Variants in C8orf34 observed in about 807,000 individuals in gnomAD.
The protein encoded by C8orf34 is uncharacterized protein C8orf34.
A neutral mutation model predicts 68.3 loss-of-function variants in C8orf34; 65 were observed. That is an observed-to-expected ratio of 0.95 (90% CI 0.78 to 1.17). C8orf34 has a LOEUF of 1.17. C8orf34 is among the 50% of genes most tolerant of loss of function. The pLI, the probability that C8orf34 is intolerant of heterozygous loss-of-function variation, is 0.00. For missense variants in C8orf34, 664 were observed against 655.4 expected (o/e 1.01, Z -0.14); for synonymous variants, 244 against 241.2 (o/e 1.01, Z -0.11).
chr8:68,716,918 GGA>G (rs1211392470), intron 9 of C8orf34, among the ~76,000 whole-genome samples: 16 of 151,564 alleles, frequency 1.1e-4, no homozygotes, highest in Non-Finnish European at 2.1e-4. Context: ...TACAGGCGAT[GGA>G]TAAAATCAGT....
chr8:68,743,342 T>C (rs1446160275), intron 10 of C8orf34, among the ~76,000 whole-genome samples: 3 of 152,206 alleles, frequency 2.0e-5, no homozygotes, highest in Non-Finnish European at 4.4e-5. Context: ...TTAGGTATTA[T>C]AAGATTTACA....
chr8:68,562,874 A>G (rs186180124), intron 7 of C8orf34, among the ~76,000 whole-genome samples: 12 of 152,324 alleles, frequency 7.9e-5, no homozygotes, highest in African/African-American at 2.9e-4. Context: ...CCTAATGTCT[A>G]TCAAATGTTG....
intron 3 of C8orf34, among the ~76,000 whole-genome samples, chr8:68,468,290 C>T (rs1026371390): frequency 1.3e-5 from 2 of 152,070 alleles, no homozygotes; most frequent in African/African-American, 2.4e-5. Flanking sequence ...AAGATAAATA[C>T]GTATATTTAG....
chr8:68,579,922 C>T (rs866540548), intron 7 of C8orf34, among the ~76,000 whole-genome samples: 16 of 152,140 alleles, frequency 1.1e-4, no homozygotes, highest in South Asian at 2.1e-4. Context: ...AATCTCTACT[C>T]TAGATTCAGA....
intron 4 of C8orf34, among the ~76,000 whole-genome samples, chr8:68,475,312 C>T (rs886543490): frequency 2.6e-5 from 4 of 152,230 alleles, no homozygotes; most frequent in African/African-American, 4.8e-5. Context: ...TCTCTGAACA[C>T]ACTTATATGC....
intron 10 of C8orf34, among the ~76,000 whole-genome samples, chr8:68,745,323 C>T (rs1441396307): frequency 6.6e-6 from 1 of 151,958 alleles, no homozygotes; most frequent in African/African-American, 2.4e-5. Context: ...GAAACTGCAT[C>T]AACTAATGAG....
rs764811999 is a variant in C8orf34, at chr8:68,488,009, C to T, written c.737-14C>T. The T allele has an allele frequency of 7.0e-6, 11 of 1,578,800 alleles. No homozygotes were observed. The East Asian group carries it at 2.3e-4, about 33-fold the overall frequency. On this transcript the variant is annotated splice_polypyrimidine_tract_variant and intron_variant, in intron 4 of 13. Transcript: ENST00000518698. ...TTCTAAAACTTTTTTTTATAAATCT[C>T]TTTTAAATCCCAGGTATTGCAATTT...
chr8:68,793,861 A>G (rs1033217633), intron 12 of C8orf34, among the ~76,000 whole-genome samples: 3 of 152,212 alleles, frequency 2.0e-5, no homozygotes, highest in Admixed American at 6.5e-5. Flanking sequence ...TAAAAAAAGT[A>G]TTAATTTCCA....
chr8:68,616,117 C>G (rs1460797010), intron 7 of C8orf34, among the ~76,000 whole-genome samples: 1 of 151,376 alleles, frequency 6.6e-6, no homozygotes, highest in Non-Finnish European at 1.5e-5. Flanking sequence ...GTTTGTATTT[C>G]TGTGGGATCG....
intron 4 of C8orf34, among the ~76,000 whole-genome samples, chr8:68,477,548 G>T (rs1394055676): frequency 2.6e-5 from 4 of 152,224 alleles, no homozygotes; most frequent in Non-Finnish European, 5.9e-5. Flanking sequence ...CAGAATGGTA[G>T]ATCTACTGAC....
chr8:68,599,190 T>C (rs1251216783), intron 7 of C8orf34, among the ~76,000 whole-genome samples: 1 of 151,938 alleles, frequency 6.6e-6, no homozygotes, highest in Non-Finnish European at 1.5e-5. Context: ...AAATTGAGGG[T>C]CTACATAAAT....
chr8:68,700,026 AG>A (rs1399569552), intron 8 of C8orf34, among the ~76,000 whole-genome samples: 2 of 152,110 alleles, frequency 1.3e-5, no homozygotes, highest in Non-Finnish European at 2.9e-5. Flanking sequence ...GCAGAATGTA[AG>A]GGCAGTCCTC....
At chr8:68,573,663 A>G (rs1816820072) in intron 7 of C8orf34, among the ~76,000 whole-genome samples, 1 of 152,170 alleles carries the variant, frequency 6.6e-6, no homozygotes, top group Admixed American at 6.6e-5. Context: ...CTTTGAACAC[A>G]TAGGGCTGGT....
chr8:68,330,962 C>G lies in C8orf34; in HGVS notation c.-51C>G. The G allele has an allele frequency of 1.8e-5, 23 of 1,308,850 alleles. No homozygotes were observed. The highest frequency in any genetic ancestry group is 2.2e-5 in the Non-Finnish European group (22 of 1,015,280). The allele number at this position is 1,308,850 out of a possible 1,614,324, so 81.1% of individuals were successfully genotyped here. A position where few individuals can be genotyped will look rare whatever the true frequency, so the allele number is the denominator to read the frequency against. ...TCTGCCTCGAATTTCCCCACTGCGC[C>G]GGGCGCTGCGGAGAGCGGCGAGGGT... On this transcript the variant is annotated 5_prime_UTR_variant, in exon 1 of 14. Transcript: ENST00000518698.
intron 1 of C8orf34, among the ~76,000 whole-genome samples, chr8:68,427,456 C>A (rs1049404487): frequency 1.1e-4 from 17 of 152,012 alleles, no homozygotes; most frequent in Admixed American, 1.0e-3. Context: ...AAGATATATA[C>A]TTCAATATAT....
At chr8:68,551,163 T>A (rs961835060) in intron 7 of C8orf34, among the ~76,000 whole-genome samples, 3 of 151,932 alleles carry the variant, frequency 2.0e-5, no homozygotes, top group African/African-American at 7.2e-5. Flanking sequence ...TTTTATACAA[T>A]TGCCCCACAG....
chr8:68,381,738 C>CAAAAAAAA lies in C8orf34; in HGVS notation c.327+50416_327+50423dup, dbSNP rs769290635. Among the ~76,000 whole-genome samples, 43 of 72,048 alleles carry CAAAAAAAA rather than the reference C, an allele frequency of 6.0e-4. 2 individuals carry two copies. The highest frequency in any genetic ancestry group is 2.4e-3 in the African/African-American group (39 of 16,412). The allele number at this position is 72,048 out of a possible 152,430, so 47.3% of individuals were successfully genotyped here. A position where few individuals can be genotyped will look rare whatever the true frequency, so the allele number is the denominator to read the frequency against. On this transcript the variant is annotated intron_variant, in intron 1 of 13. Transcript: ENST00000518698. ...TGGGCGACAGAGCGAGACTCCGTCT[C>CAAAAAAAA]AAAAAAAAAAAAAAAAAAAAAAAAT... is the stretch of plus-strand genomic sequence containing the variant.
At chr8:68,794,981 G>A (rs1167442559) in intron 12 of C8orf34, among the ~76,000 whole-genome samples, 1 of 152,036 alleles carries the variant, frequency 6.6e-6, no homozygotes, top group African/African-American at 2.4e-5. Context: ...ATACTCTATA[G>A]GTAACTGTTA....
At chr8:68,357,147 T>A (rs1806785411) in intron 1 of C8orf34, among the ~76,000 whole-genome samples, 1 of 152,162 alleles carries the variant, frequency 6.6e-6, no homozygotes, top group African/African-American at 2.4e-5. Flanking sequence ...AATATAATCG[T>A]CTTAGTATTA....
Sources: allele counts gnomAD v4.1 joint callset (sites outside exome capture counted in the v4.1 genomes callset), GRCh38; gene constraint gnomAD v4.1.1; transcripts MANE v1.5; gene names NCBI Gene and HGNC (gene_info 2026-07-23, HGNC 2026-07-21).